ZNF521: variants seen among roughly 807,000 people sequenced by gnomAD.
ZNF521 encodes LYST-interacting protein 3.
Under a neutral mutation model 105.5 loss-of-function variants are expected in ZNF521, and 14 were observed. The observed-to-expected ratio is 0.13, with a 90% CI of 0.09 to 0.21. The LOEUF (loss-of-function observed/expected upper bound fraction) is 0.21. Among genes scored for constraint, ZNF521 ranks in the 10% least tolerant of loss-of-function variants. The pLI, the probability that ZNF521 is intolerant of heterozygous loss-of-function variation, is 1.00. For missense variants in ZNF521, 1,233 were observed against 1,629.7 expected (o/e 0.76, Z 4.19); for synonymous variants, 635 against 606.0 (o/e 1.05, Z -0.70).
At chr18:25,221,812 T>C (rs1905743154) in intron 4 of ZNF521, among the ~76,000 whole-genome samples, 1 of 152,196 alleles carries the variant, frequency 6.6e-6, no homozygotes, top group African/African-American at 2.4e-5. Flanking sequence ...ACAAAGAATG[T>C]GAACAAATGA....
intron 5 of ZNF521, among the ~76,000 whole-genome samples, chr18:25,119,144 T>C (rs909530725): frequency 2.0e-5 from 3 of 152,012 alleles, no homozygotes; most frequent in African/African-American, 4.8e-5. Context: ...GAAAAAAAGA[T>C]AATCTTAACA....
At chr18:25,205,644 G>A (rs2144667192) in intron 4 of ZNF521, among the ~76,000 whole-genome samples, 1 of 152,254 alleles carries the variant, frequency 6.6e-6, no homozygotes, top group Middle Eastern at 3.4e-3. Context: ...CATGCCCAGA[G>A]AGACCCCATC....
At chr18:25,297,110 T>C (rs1462108997) in intron 3 of ZNF521, among the ~76,000 whole-genome samples, 5 of 149,912 alleles carry the variant, frequency 3.3e-5, no homozygotes, top group African/African-American at 1.2e-4. Context: ...TAGACACATA[T>C]ACATGTCCCT....
At chr18:25,244,261 A>G (rs543430510) in intron 3 of ZNF521, among the ~76,000 whole-genome samples, 17 of 150,854 alleles carry the variant, frequency 1.1e-4, no homozygotes, top group African/African-American at 4.2e-4. Flanking sequence ...ACATTCTAAC[A>G]CACAAGCTGT....
Position 25,062,643 on chromosome 18 carries a change from G to C in ZNF521, c.*69C>G. 1 of 1,538,406 alleles carries C rather than the reference G, an allele frequency of 6.5e-7. No homozygotes were observed. Among genetic ancestry groups the C allele is most frequent in the Non-Finnish European group, 8.8e-7 (1 of 1,137,012 alleles). ...AATATACATTAACAATGAAAGTTTC[G>C]TGCAAAGAGTAAAACATGTTCCCTT... On this transcript the variant is annotated 3_prime_UTR_variant, in exon 8 of 8. Transcript: ENST00000361524.
At chr18:25,076,680 G>C (rs938475495) in intron 7 of ZNF521, among the ~76,000 whole-genome samples, 10 of 152,106 alleles carry the variant, frequency 6.6e-5, no homozygotes, top group African/African-American at 2.4e-4. Context: ...TGTGGAGTTG[G>C]CAATTGCATG....
chr18:25,288,595 G>GAAAAAA (rs71375174), intron 3 of ZNF521, among the ~76,000 whole-genome samples: 1 of 106,400 alleles, frequency 9.4e-6, no homozygotes, highest in Non-Finnish European at 2.0e-5. Flanking sequence ...ACCCAGCTTT[G>GAAAAAA]AAAAAAAAAA....
chr18:25,233,829 C>G (rs1381592169), intron 3 of ZNF521, among the ~76,000 whole-genome samples: 1 of 152,132 alleles, frequency 6.6e-6, no homozygotes, highest in Admixed American at 6.5e-5. Flanking sequence ...CATTCTTTCA[C>G]CAGACACATT....
At position 25,120,397 on chromosome 18, in the gene ZNF521, A is replaced by G. The variant is rs2034410192; in HGVS notation, c.3659-28316T>C. ...CAGGAGTTCAAGACCAGCCTGGCCA[A>G]CACGATGAAACCCCATCTCTACTAA... On this transcript the variant is annotated intron_variant, in intron 5 of 7. Coordinates refer to ENST00000361524, the MANE Select transcript of ZNF521 (RefSeq NM_015461.3). 3.3e-5 allele frequency among the ~76,000 whole-genome samples: 5 copies of G among 152,328 alleles called. No homozygotes were observed. In the South Asian group the frequency reaches 1.0e-3, roughly 32 times the overall value.
At chr18:25,064,049 C>G (rs2032984567) in intron 7 of ZNF521, among the ~76,000 whole-genome samples, 1 of 152,212 alleles carries the variant, frequency 6.6e-6, no homozygotes, top group African/African-American at 2.4e-5. Context: ...CTACAAGCAT[C>G]TATTGAAAAC....
intron 3 of ZNF521, among the ~76,000 whole-genome samples, chr18:25,294,589 G>A (rs1911217649): frequency 6.6e-6 from 1 of 152,124 alleles, no homozygotes; most frequent in African/African-American, 2.4e-5. Context: ...AGGTGCAGTG[G>A]CTCATGCCTG....
chr18:25,068,202 G>T lies in ZNF521; in HGVS notation c.3907-5461C>A, dbSNP rs1411668814. On this transcript the variant is annotated intron_variant, in intron 7 of 7. Transcript: ENST00000361524. ...ACAATGCAAGGTGGGAAGAAATAAA[G>T]AAATATAAAGATTAAATGTGGCTGT... 2.0e-5 allele frequency among the ~76,000 whole-genome samples: 3 copies of T among 152,164 alleles called. No homozygotes were observed. The East Asian group carries it at 5.8e-4, about 29-fold the overall frequency.
At chr18:25,342,205 A>C (rs1031916422) in intron 2 of ZNF521, among the ~76,000 whole-genome samples, 1 of 152,120 alleles carries the variant, frequency 6.6e-6, no homozygotes, top group Non-Finnish European at 1.5e-5. Context: ...TTGAGCCCAC[A>C]GTTCTTCTTA....
At chr18:25,316,417 A>G (rs1168519942) in intron 3 of ZNF521, among the ~76,000 whole-genome samples, 2 of 118,082 alleles carry the variant, frequency 1.7e-5, no homozygotes, top group African/African-American at 6.5e-5. Context: ...TAAATCCAGC[A>G]CTTTGTCAGC....
chr18:25,261,158 G>A (rs958579854), intron 3 of ZNF521, among the ~76,000 whole-genome samples: 6 of 152,096 alleles, frequency 3.9e-5, no homozygotes, highest in African/African-American at 1.2e-4. Flanking sequence ...TTTGGCCAAC[G>A]TCAGCTGCAT....
chr18:25,207,313 GGT>G (rs2036099550), intron 4 of ZNF521, among the ~76,000 whole-genome samples: 1 of 147,136 alleles, frequency 6.8e-6, no homozygotes, highest in Non-Finnish European at 1.5e-5. Flanking sequence ...ACATGTACAT[GGT>G]GTGGCGGCTC....
chr18:25,225,795 T>C lies in ZNF521; in HGVS notation c.2123A>G (p.Asp708Gly). ...SCDKQFTSVD[D>G]LQKHLLDMHT... Reference sequence around the variant, plus strand: ...CATGTCCAGCAGGTGTTTCTGAAGGTCATCCACTGATGTGAATTGCTTGTC... The same window carrying C: ...CATGTCCAGCAGGTGTTTCTGAAGGCCATCCACTGATGTGAATTGCTTGTC... The change falls in exon 4 of 8, where the codon GAC becomes GGC. Residue 708 changes from aspartate to glycine, a missense_variant. Asp to Gly is a moderately conservative substitution (Grantham distance 94). Around this residue, in one of 6 missense-constraint regions of ZNF521, gnomAD observed 614 missense variants for 751.5 expected, o/e 0.82. Transcript: ENST00000361524. This position sits in a 1 kb window ranked among gnomAD's most constrained non-coding sequence, Gnocchi z 5.6. 6.2e-7 allele frequency: 1 copy of C among 1,614,246 alleles called. No homozygotes were observed. Among genetic ancestry groups the C allele is most frequent in the Non-Finnish European group, 8.5e-7 (1 of 1,180,030 alleles).
chr18:25,077,630 T>TGAAA lies in ZNF521; in HGVS notation c.3906+11831_3906+11834dup, dbSNP rs2033393902. Among the ~76,000 whole-genome samples the TGAAA allele has an allele frequency of 3.3e-5, 5 of 152,120 alleles. No homozygotes were observed. In the South Asian group the frequency reaches 1.0e-3, roughly 32 times the overall value. On this transcript the variant is annotated intron_variant, in intron 7 of 7. Transcript: ENST00000361524. ...GTTATGTTTCCGAAAACGACGCCAA[T>TGAAA]GAAAGGGAGGGATGAGAGATGCTAA...
rs73402936 is a variant in ZNF521 at position 25,162,403 on chromosome 18, C to T, written c.3658+32757G>A. On this transcript the variant is annotated intron_variant, in intron 5 of 7. Coordinates refer to ENST00000361524, the MANE Select transcript of ZNF521 (RefSeq NM_015461.3). Reference sequence around the variant, plus strand: ...AATTTATTATTATAATGTATGGATACGGAATTCTATAATAATTTTCAGTGT... The same window carrying T: ...AATTTATTATTATAATGTATGGATATGGAATTCTATAATAATTTTCAGTGT... 6.4e-3 allele frequency among the ~76,000 whole-genome samples: 970 copies of T among 152,198 alleles called. 9 individuals carry two copies. Among genetic ancestry groups the T allele is most frequent in the African/African-American group, 0.022 (926 of 41,502 alleles).
Sources: gnomAD v4.1 joint callset for allele counts (sites outside exome capture counted in the v4.1 genomes callset) on GRCh38, gnomAD v4.1.1 for gene constraint, gnomAD v4.1.1 regional missense constraint, Gnocchi (gnomAD v3.1) non-coding constraint, MANE v1.5 for transcripts, NCBI Gene and HGNC (gene_info 2026-07-23, HGNC 2026-07-21) for gene names.